Variants in PRIM2 observed in about 807,000 individuals in gnomAD.
The protein encoded by PRIM2 is DNA primase subunit 2.
A neutral mutation model predicts 67.3 loss-of-function variants in PRIM2; 39 were observed. The ratio of observed to expected loss-of-function variants is 0.58; its 90% confidence interval spans 0.45 to 0.76. The LOEUF (loss-of-function observed/expected upper bound fraction) is 0.76. Ranked by LOEUF, PRIM2 falls within the 30% of genes least tolerant of loss-of-function variation. The pLI is 0.00. For missense variants in PRIM2, 398 were observed against 598.7 expected (o/e 0.66, Z 3.50); for synonymous variants, 143 against 198.7 (o/e 0.72, Z 2.36).
chr6:57,320,582 A>T, intron 3 of PRIM2, 22 bp downstream of exon 3: 3 of 1,463,052 alleles, frequency 2.1e-6, no homozygotes, highest in Non-Finnish European at 2.8e-6. Flanking sequence ...AGGAAAAAAA[A>T]GTTCCTTCAG....
chr6:57,616,865 G>A (rs1383157364), intron 12 of PRIM2, among the ~76,000 whole-genome samples: 1 of 152,082 alleles, frequency 6.6e-6, no homozygotes, highest in East Asian at 1.9e-4. Flanking sequence ...TACCTATTCT[G>A]AATATTTCAT....
intron 7 of PRIM2, among the ~76,000 whole-genome samples, chr6:57,428,133 T>TAA (rs367966820): frequency 0.63 from 95,907 of 151,122 alleles, 30,579 homozygotes; most frequent in South Asian, 0.72. Context: ...TTAATTTAAA[T>TAA]ACCCAAGGTT....
chr6:57,614,860 A>G (rs1170948534), intron 12 of PRIM2, among the ~76,000 whole-genome samples: 1 of 151,792 alleles, frequency 6.6e-6, no homozygotes, highest in African/African-American at 2.4e-5. Context: ...AAATATATAT[A>G]TATATGTATG....
chr6:57,462,624 G>A (rs537702846), intron 7 of PRIM2, among the ~76,000 whole-genome samples: 10 of 152,196 alleles, frequency 6.6e-5, no homozygotes, highest in Admixed American at 6.5e-4. Flanking sequence ...GGCTGCCATA[G>A]TAGAAGAGCT....
intron 5 of PRIM2, among the ~76,000 whole-genome samples, chr6:57,339,085 C>T (rs1197985106): frequency 8.6e-5 from 13 of 150,934 alleles, no homozygotes; most frequent in African/African-American, 2.0e-4. Flanking sequence ...AGCCAAATCA[C>T]GAGTGAACTC....
intron 4 of PRIM2, among the ~76,000 whole-genome samples, chr6:57,324,936 AG>A (rs1767795448): frequency 6.6e-6 from 1 of 152,196 alleles, no homozygotes; most frequent in Non-Finnish European, 1.5e-5. Context: ...TCTGTAAAAA[AG>A]CATATGTAGT....
At chr6:57,523,019 G>A (rs1211332221) in intron 8 of PRIM2, among the ~76,000 whole-genome samples, 93 of 152,256 alleles carry the variant, frequency 6.1e-4, no homozygotes, top group African/African-American at 2.2e-3. Context: ...TTATGTGATA[G>A]TATGAAGAAG....
At chr6:57,509,772 T>G (rs1396206633) in intron 8 of PRIM2, among the ~76,000 whole-genome samples, 103 of 149,956 alleles carry the variant, frequency 6.9e-4, no homozygotes, top group South Asian at 1.5e-3. Flanking sequence ...TGTAGATATA[T>G]AATATATATA....
At chr6:57,393,511 G>T (rs9475911) in intron 7 of PRIM2, among the ~76,000 whole-genome samples, 1 of 151,724 alleles carries the variant, frequency 6.6e-6, no homozygotes, top group Non-Finnish European at 1.5e-5. Flanking sequence ...TTGTTTGTTT[G>T]TTTTTTTCCT....
the PRIM2 span, among the ~76,000 whole-genome samples, chr6:57,234,797 A>G: frequency 6.6e-6 from 1 of 152,232 alleles, no homozygotes; most frequent in Non-Finnish European, 1.5e-5. Context: ...TGCTGGGATT[A>G]CAGGTGTGAG....
At chr6:57,316,015 C>T (rs1166866714), upstream of PRIM2, among the ~76,000 whole-genome samples, 1 of 152,130 alleles carries the variant, frequency 6.6e-6, no homozygotes. Context: ...AGGTGAAGCT[C>T]TGCTGTCATA....
intron 8 of PRIM2, among the ~76,000 whole-genome samples, chr6:57,509,147 A>G (rs1774308285): frequency 6.6e-6 from 1 of 150,502 alleles, no homozygotes; most frequent in African/African-American, 2.4e-5. Context: ...CTCTCCAGTA[A>G]CTGTTCCTTC....
chr6:57,572,568 T>C, intron 10 of PRIM2, among the ~76,000 whole-genome samples: 1 of 152,172 alleles, frequency 6.6e-6, no homozygotes. Context: ...AACAGTACAT[T>C]ATACATTTAT....
At chr6:57,471,849 A>C (rs1233669005) in intron 7 of PRIM2, among the ~76,000 whole-genome samples, 1 of 152,248 alleles carries the variant, frequency 6.6e-6, no homozygotes, top group African/African-American at 2.4e-5. Context: ...TATTAAATAC[A>C]TGAAAAGTTG....
chr6:57,322,526 G>A (rs952010734), intron 3 of PRIM2, among the ~76,000 whole-genome samples: 1 of 152,012 alleles, frequency 6.6e-6, no homozygotes, highest in African/African-American at 2.4e-5. Context: ...TTTTATAAGG[G>A]GCTTTTCCCT....
intron 5 of PRIM2, among the ~76,000 whole-genome samples, chr6:57,332,657 T>C (rs891129310): frequency 1.2e-4 from 19 of 152,178 alleles, no homozygotes; most frequent in Admixed American, 2.6e-4. Flanking sequence ...TTTTAAGTTA[T>C]GTTTGTTTGA....
At chr6:57,286,680 T>C in the PRIM2 span, among the ~76,000 whole-genome samples, 1 of 152,222 alleles carries the variant, frequency 6.6e-6, no homozygotes, top group Non-Finnish European at 1.5e-5. Context: ...GGCAATACCA[T>C]TCAGGACATA....
chr6:57,521,020 A>T (rs1554348859), intron 8 of PRIM2, among the ~76,000 whole-genome samples: 2 of 152,228 alleles, frequency 1.3e-5, no homozygotes, highest in Admixed American at 6.5e-5. Context: ...GACTTTTTAA[A>T]AAATAAAGTT....
At chr6:57,284,877 C>T in the PRIM2 span, among the ~76,000 whole-genome samples, 1 of 152,062 alleles carries the variant, frequency 6.6e-6, no homozygotes, top group Non-Finnish European at 1.5e-5. Context: ...ATATAGACCA[C>T]TAGCCAGACT....
Sources: allele counts gnomAD v4.1 joint callset (sites outside exome capture counted in the v4.1 genomes callset), GRCh38; gene constraint gnomAD v4.1.1; transcripts MANE v1.5; gene names NCBI Gene and HGNC (gene_info 2026-07-23, HGNC 2026-07-21).